The following HMGB1 variants were observed in gnomAD, a reference collection of about 807,000 sequenced individuals.
HMGB1 encodes high mobility group protein B1.
For synonymous variants in HMGB1, 81 were observed against 84.0 expected (o/e 0.96, Z 0.19); for missense variants, 79 against 253.5 (o/e 0.31, Z 4.67).
chr13:30,594,453 C>T (rs1871513900), intron 1 of HMGB1, among the ~76,000 whole-genome samples: 1 of 152,176 alleles, frequency 6.6e-6, no homozygotes, highest in Admixed American at 6.5e-5. Context: ...AGACTTATCT[C>T]CCACTTACAA....
intron 1 of HMGB1, among the ~76,000 whole-genome samples, chr13:30,519,501 C>A (rs534586021): frequency 9.3e-5 from 14 of 150,804 alleles, no homozygotes; most frequent in South Asian, 6.3e-4. Flanking sequence ...CGAGACCATC[C>A]CGGCTAACAC....
chr13:30,518,871 G>A (rs1255464583), intron 1 of HMGB1, among the ~76,000 whole-genome samples: 7 of 147,388 alleles, frequency 4.7e-5, no homozygotes, highest in Non-Finnish European at 7.4e-5. Context: ...AAAGCTACAT[G>A]CCACCACACC....
chr13:30,499,199 C>T (rs1373525702), intron 1 of HMGB1, among the ~76,000 whole-genome samples: 3 of 152,090 alleles, frequency 2.0e-5, no homozygotes, highest in Non-Finnish European at 4.4e-5. Flanking sequence ...GTGATCCACC[C>T]GCCTCAGCCT....
At chr13:30,507,417 C>A (rs575815860) in intron 1 of HMGB1, among the ~76,000 whole-genome samples, 1 of 152,300 alleles carries the variant, frequency 6.6e-6, no homozygotes, top group Non-Finnish European at 1.5e-5. Flanking sequence ...ACTCCATCCA[C>A]CCCTCTCCAG....
At chr13:30,471,061 C>T (rs1021336454) in intron 1 of HMGB1, among the ~76,000 whole-genome samples, 1 of 152,046 alleles carries the variant, frequency 6.6e-6, no homozygotes, top group Admixed American at 6.5e-5. Flanking sequence ...TCACTGCGAC[C>T]TCCACCTCCC....
At chr13:30,566,518 T>G (rs1351107116) in intron 1 of HMGB1, among the ~76,000 whole-genome samples, 1 of 152,222 alleles carries the variant, frequency 6.6e-6, no homozygotes, top group Non-Finnish European at 1.5e-5. Context: ...TCATGAAATA[T>G]TCTTTTGATT....
chr13:30,509,793 A>T (rs1887950379), intron 1 of HMGB1, among the ~76,000 whole-genome samples: 1 of 152,172 alleles, frequency 6.6e-6, no homozygotes, highest in Non-Finnish European at 1.5e-5. Context: ...TATTCACTGG[A>T]TCTAAAATAA....
rs183214190 is a variant in HMGB1 at position 30,610,248 on chromosome 13, G to C, written c.-15+6423C>G. 1.8e-3 allele frequency among the ~76,000 whole-genome samples: 281 copies of C among 152,272 alleles called. 2 individuals carry two copies. The highest frequency in any genetic ancestry group is 0.017 in the South Asian group (80 of 4,830). On this transcript the variant is annotated intron_variant, in intron 1 of 4. Transcript: ENST00000405805. ...ACGTTTTTTGGGCAGTCAAAAGCAT[G>C]GGGAAGGAGAGGGTGGTCCCTAACC...
At chr13:30,604,720 T>C (rs1388051590) in intron 1 of HMGB1, among the ~76,000 whole-genome samples, 2 of 152,158 alleles carry the variant, frequency 1.3e-5, no homozygotes, top group South Asian at 2.1e-4. Context: ...TGCAGTGGCG[T>C]GATCTCGGCT....
chr13:30,481,440 G>A (rs1887226282), intron 1 of HMGB1, among the ~76,000 whole-genome samples: 2 of 152,174 alleles, frequency 1.3e-5, no homozygotes, highest in African/African-American at 4.8e-5. Context: ...ACCGCTAAAC[G>A]CTAAATGAAG....
chr13:30,569,589 T>C (rs1870342769), intron 1 of HMGB1, among the ~76,000 whole-genome samples: 1 of 152,154 alleles, frequency 6.6e-6, no homozygotes, highest in African/African-American at 2.4e-5. Flanking sequence ...GAGAAGACAA[T>C]GTTCATAAGT....
intron 1 of HMGB1, among the ~76,000 whole-genome samples, chr13:30,494,603 C>A (rs144254583): frequency 6.6e-6 from 1 of 152,200 alleles, no homozygotes; most frequent in Non-Finnish European, 1.5e-5. Flanking sequence ...TCAGGTGATC[C>A]GCCCGCCTTG....
intron 1 of HMGB1, among the ~76,000 whole-genome samples, chr13:30,582,544 C>T (rs974597600): frequency 6.6e-6 from 1 of 151,492 alleles, no homozygotes; most frequent in African/African-American, 2.4e-5. Flanking sequence ...AGGCTGAGGC[C>T]GGAGAATGGC....
intron 1 of HMGB1, among the ~76,000 whole-genome samples, chr13:30,537,532 G>A (rs556147173): frequency 6.5e-4 from 99 of 151,368 alleles, no homozygotes; most frequent in African/African-American, 2.3e-3. Context: ...TGAAATCATT[G>A]TAAAATGTGT....
chr13:30,587,095 C>CT (rs1871188376), intron 1 of HMGB1, among the ~76,000 whole-genome samples: 1 of 152,158 alleles, frequency 6.6e-6, no homozygotes, highest in South Asian at 2.1e-4. Flanking sequence ...AACTTCTCTA[C>CT]TTGATTAAAA....
chr13:30,552,172 A>G (rs1869457335), intron 1 of HMGB1, among the ~76,000 whole-genome samples: 1 of 152,192 alleles, frequency 6.6e-6, no homozygotes, highest in Admixed American at 6.5e-5. Context: ...AAACACACAC[A>G]TATCCTTTAG....
intron 1 of HMGB1, among the ~76,000 whole-genome samples, chr13:30,591,074 A>G (rs1297099470): frequency 4.2e-5 from 5 of 119,268 alleles, no homozygotes; most frequent in Non-Finnish European, 8.2e-5. Context: ...ACTCTCACCC[A>G]GGCTGGAGTG....
chr13:30,462,765 T>C (rs529404831), intron 3 of HMGB1, 53 bp from the exon 4 acceptor site: 76 of 1,435,428 alleles, frequency 5.3e-5, no homozygotes, highest in Non-Finnish European at 7.4e-5. Flanking sequence ...CAAAAACAAA[T>C]ACTATCAAGT....
intron 1 of HMGB1, among the ~76,000 whole-genome samples, chr13:30,561,575 A>C (rs116681577): frequency 6.6e-6 from 1 of 152,158 alleles, no homozygotes; most frequent in Non-Finnish European, 1.5e-5. Flanking sequence ...AAGTCAGTGA[A>C]GTAGTAGGAA....
Sources: allele counts gnomAD v4.1 joint callset (sites outside exome capture counted in the v4.1 genomes callset), GRCh38; gene constraint gnomAD v4.1.1; transcripts MANE v1.5; gene names NCBI Gene and HGNC (gene_info 2026-07-23, HGNC 2026-07-21).